BPIFA1: variants seen among roughly 807,000 people sequenced by gnomAD.
BPIFA1 encodes BPI fold containing family A member 1, also known as BPI fold-containing family A member 1.
BPIFA1 carries 24 observed loss-of-function variants against 25.1 expected under a neutral mutation model. The observed-to-expected ratio is 0.96, with a 90% CI of 0.69 to 1.35. The LOEUF (loss-of-function observed/expected upper bound fraction) is 1.35, where lower values mean the gene tolerates loss of function less well. BPIFA1 is among the 40% of genes most tolerant of loss of function. The probability of loss-of-function intolerance (pLI) is 0.00; values close to 1 mark genes in which losing one functional copy is unlikely to be tolerated. For missense variants in BPIFA1, 344 were observed against 303.7 expected, an observed-to-expected ratio of 1.13 and a Z score of -0.99; for synonymous variants, 139 against 131.8, an observed-to-expected ratio of 1.05 and a Z score of -0.37.
intron 8 of BPIFA1, among the ~76,000 whole-genome samples, 167 bp downstream of exon 8, chr20:33,242,728 A>G (rs1979043152): frequency 6.6e-6 from 1 of 152,190 alleles, no homozygotes; most frequent in Non-Finnish European, 1.5e-5. Flanking sequence ...ACAGAGGTGG[A>G]AGGATGCAGG....
In BPIFA1 at chr20:33,241,222, C is replaced by T. The variant is rs1978963462; in HGVS notation, c.582-163C>T. ...CACTGCTGTACACAAATGTAACTCCCTTTACATAAGACCCTTGCTGTTGGC... is the reference window on the plus strand; with the variant it reads ...CACTGCTGTACACAAATGTAACTCCTTTTACATAAGACCCTTGCTGTTGGC... On this transcript the variant is annotated intron_variant, in intron 5 of 8. Transcript: ENST00000354297. Among the ~76,000 whole-genome samples the T allele has an allele frequency of 2.0e-5, 3 of 152,226 alleles. No homozygotes were observed. In the South Asian group the frequency reaches 6.2e-4, roughly 32 times the overall value.
At chr20:33,241,520 G>T (rs1978979054) in intron 6 of BPIFA1, 51 bp downstream of exon 6, 1 of 1,521,796 alleles carries the variant, frequency 6.6e-7, no homozygotes, top group Non-Finnish European at 9.1e-7. Flanking sequence ...AGAGCTTCTT[G>T]CACTAAAACA....
chr20:33,239,252 C>G (rs1266319341), intron 3 of BPIFA1, among the ~76,000 whole-genome samples: 1 of 152,176 alleles, frequency 6.6e-6, no homozygotes, highest in Non-Finnish European at 1.5e-5. Context: ...CTTCCTGCTC[C>G]TCAATTCCCA....
rs1327704354 is a variant in BPIFA1 at position 33,240,362 on chromosome 20, C to A, written c.558C>A (p.Ser186Arg). 6.2e-7 allele frequency: 1 copy of A among 1,614,078 alleles called. No individual in the cohort carries two copies. The highest frequency in any genetic ancestry group is 8.5e-7 in the Non-Finnish European group (1 of 1,180,002). The change falls in exon 5 of 9, where the codon AGC becomes AGA. Residue 186 changes from serine to arginine, a missense_variant. Transcript: ENST00000354297. The stretch of plus-strand genomic sequence containing the variant: ...GTGACTGCACCCATTCCCCTGGAAG[C>A]CTGCAAATTTCTCTGCTTGATGGGT... ...VLGDCTHSPG[S>R]LQISLLDGLG...
intron 5 of BPIFA1, 113 bp from the exon 6 acceptor site, chr20:33,241,272 G>C: frequency 9.9e-7 from 1 of 1,005,318 alleles, no homozygotes; most frequent in Non-Finnish European, 1.6e-6. Context: ...AGATAGACAA[G>C]GCTCGGCTTT....
Position 33,240,335 on chromosome 20 carries a change from T to A in BPIFA1, c.531T>A (p.Leu177=). ...AGCAGGAGAGGATCCACCTGGTCCT[T>A]GGTGACTGCACCCATTCCCCTGGAA... ...RDKQERIHLV[L]GDCTHSPGSL... is the part of the protein sequence containing the mutation. The change falls in exon 5 of 9, where the codon CTT becomes CTA. Residue 177 remains leucine (L), a synonymous_variant. Transcript: ENST00000354297. The A allele has an allele frequency of 6.2e-7, 1 of 1,614,084 alleles. No homozygotes were observed. Among genetic ancestry groups the A allele is most frequent in the Non-Finnish European group, 8.5e-7 (1 of 1,180,012 alleles).
chr20:33,240,041 C>T, intron 4 of BPIFA1, 131 bp downstream of exon 4: 1 of 1,321,146 alleles, frequency 7.6e-7, no homozygotes, highest in Non-Finnish European at 1.1e-6. Flanking sequence ...TGCTGCTATG[C>T]TAAGTGGCCT....
chr20:33,239,710 C>A, intron 3 of BPIFA1, 93 bp from the exon 4 acceptor site: 1 of 1,259,856 alleles, frequency 7.9e-7, no homozygotes, highest in Non-Finnish European at 1.2e-6. Flanking sequence ...GGAAGCTCTA[C>A]CTCTGGGATG....
intron 3 of BPIFA1, among the ~76,000 whole-genome samples, chr20:33,238,456 C>T (rs766067804): frequency 6.6e-6 from 1 of 152,206 alleles, no homozygotes; most frequent in Non-Finnish European, 1.5e-5. Context: ...ATAATCCTCA[C>T]CACAACCCTT....
In BPIFA1 at chr20:33,241,365, C is replaced by A; in HGVS notation, c.582-20C>A. On this transcript the variant is annotated intron_variant, in intron 5 of 8. Transcript: ENST00000354297. The stretch of plus-strand genomic sequence containing the variant: ...CACCATCTCCAGGTCCCTGCATCAC[C>A]CATGACTTTTCTCTTTCAGACTTGG... The A allele has an allele frequency of 6.3e-7, 1 of 1,599,326 alleles. No individual in the cohort carries two copies.
chr20:33,243,218 C>G lies in BPIFA1; in HGVS notation c.*146C>G, dbSNP rs1436200416. ...TGCTGGAAGATGACACAGTTGCCTT[C>G]TCTCCGAGGAACCTGCCCCCTCTCC... On this transcript the variant is annotated 3_prime_UTR_variant, in exon 9 of 9. Coordinates refer to ENST00000354297, the MANE Select transcript of BPIFA1 (RefSeq NM_130852.3). 1 of 152,430 alleles carries G rather than the reference C, an allele frequency of 6.6e-6. No individual in the cohort carries two copies. The highest frequency in any genetic ancestry group is 1.5e-5 in the Non-Finnish European group (1 of 68,212). The allele number at this position is 152,430 out of a possible 1,614,324, so 9.4% of individuals were successfully genotyped here. A position where few individuals can be genotyped will look rare whatever the true frequency, so the allele number is the denominator to read the frequency against.
In BPIFA1 at chr20:33,243,233, GC is replaced by G. The variant is rs1481910339; in HGVS notation, c.*166del. ...CAGTTGCCTTCTCTCCGAGGAACCT[GC>G]CCCCTCTCCTTTCCCACCAGGCGTG... is the stretch of plus-strand genomic sequence containing the variant. On this transcript the variant is annotated 3_prime_UTR_variant, in exon 9 of 9. Coordinates refer to ENST00000354297, the MANE Select transcript of BPIFA1 (RefSeq NM_130852.3). 1 of 152,350 alleles carries G rather than the reference GC, an allele frequency of 6.6e-6. No individual in the cohort carries two copies. Among genetic ancestry groups the G allele is most frequent in the Admixed American group, 6.5e-5 (1 of 15,284 alleles). 9.4% of individuals were successfully genotyped at this position (152,350 alleles called of 1,614,324 possible).
chr20:33,237,529 T>C (rs1358883713), intron 1 of BPIFA1, among the ~76,000 whole-genome samples, 168 bp from the exon 2 acceptor site: 6 of 152,174 alleles, frequency 3.9e-5, no homozygotes, highest in African/African-American at 1.4e-4. Context: ...TGTAAAGTGG[T>C]CAGCCTGTTG....
intron 6 of BPIFA1, 130 bp downstream of exon 6, chr20:33,241,599 C>T (rs1162091998): frequency 2.5e-6 from 2 of 794,116 alleles, no homozygotes; most frequent in Non-Finnish European, 4.3e-6. Context: ...ATCTATTTGT[C>T]CATTGATCCA....
intron 6 of BPIFA1, 40 bp from the exon 7 acceptor site, chr20:33,242,016 G>A (rs1320834303): frequency 6.3e-7 from 1 of 1,575,916 alleles, no homozygotes; most frequent in East Asian, 2.2e-5. Context: ...GCTGCTCCAG[G>A]GTGCCACTCT....
intron 5 of BPIFA1, 145 bp downstream of exon 5, chr20:33,240,530 A>G (rs1186419983): frequency 1.3e-6 from 1 of 749,290 alleles, no homozygotes; most frequent in Non-Finnish European, 2.0e-6. Context: ...GAGCGTGGAA[A>G]GATGGATGGA....
At chr20:33,240,009 G>C in intron 4 of BPIFA1, 99 bp downstream of exon 4, 1 of 1,397,338 alleles carries the variant, frequency 7.2e-7, no homozygotes, top group Non-Finnish European at 1.0e-6. Context: ...TAACAGACCT[G>C]AGCCTCCAAC....
chr20:33,239,645 A>G (rs1978858791), intron 3 of BPIFA1, among the ~76,000 whole-genome samples, 158 bp from the exon 4 acceptor site: 1 of 152,226 alleles, frequency 6.6e-6, no homozygotes, highest in Non-Finnish European at 1.5e-5. Context: ...TGTGTGACTC[A>G]GAACCCACGT....
chr20:33,241,942 TA>T, intron 6 of BPIFA1, 113 bp from the exon 7 acceptor site: 1 of 930,114 alleles, frequency 1.1e-6, no homozygotes, highest in East Asian at 2.6e-5. Context: ...TGGGATTGCT[TA>T]GAATCACTTT....
Sources: allele counts gnomAD v4.1 joint callset (sites outside exome capture counted in the v4.1 genomes callset), GRCh38; gene constraint gnomAD v4.1.1; transcripts MANE v1.5; gene names NCBI Gene and HGNC (gene_info 2026-07-23, HGNC 2026-07-21).